Variants in GRHL3 observed in about 807,000 individuals in gnomAD.
GRHL3 encodes grainyhead like transcription factor 3.
A neutral mutation model predicts 70.3 loss-of-function variants in GRHL3; 20 were observed. That is an observed-to-expected ratio of 0.28 (90% CI 0.20 to 0.41). The LOEUF is 0.41. Ranked by LOEUF, GRHL3 falls within the 10% of genes least tolerant of loss-of-function variation. GRHL3 has a pLI of 1.00. For missense variants in GRHL3, 637 were observed against 762.3 expected, an observed-to-expected ratio of 0.84 and a Z score of 1.94; for synonymous variants, 299 against 299.9, an observed-to-expected ratio of 1.00 and a Z score of 0.03.
At chr1:24,330,422 G>A (rs1245577167) in intron 1 of GRHL3, among the ~76,000 whole-genome samples, 3 of 152,266 alleles carry the variant, frequency 2.0e-5, no homozygotes, top group Non-Finnish European at 4.4e-5. Flanking sequence ...CACTTACTGG[G>A]ACCTTGGACA....
At chr1:24,335,346 G>A (rs1377443559) in intron 3 of GRHL3, among the ~76,000 whole-genome samples, 1 of 152,220 alleles carries the variant, frequency 6.6e-6, no homozygotes, top group Non-Finnish European at 1.5e-5. Flanking sequence ...CCATGCTTAA[G>A]ACTAGATGGG....
In GRHL3 at chr1:24,323,110, A is replaced by AT. The variant is rs1557689120; in HGVS notation, c.17+3547dup. 2.0e-6 allele frequency: 3 copies of AT among 1,535,718 alleles called. No individual in the cohort carries two copies. In the Admixed American group the frequency reaches 5.9e-5, roughly 30 times the overall value. On this transcript the variant is annotated intron_variant, in intron 1 of 15. Coordinates refer to ENST00000361548, the MANE Select transcript of GRHL3 (RefSeq NM_198173.3). ...AATGTGGATGAATTCCATTCTTCCT[A>AT]TTTTTCTGTAGGTTCTACATGTTAT...
chr1:24,324,450 T>G (rs1337233457), intron 1 of GRHL3, among the ~76,000 whole-genome samples: 1 of 152,308 alleles, frequency 6.6e-6, no homozygotes, highest in East Asian at 1.9e-4. Flanking sequence ...ATTGTGCAGT[T>G]TGCTGGGGAC....
intron 2 of GRHL3, among the ~76,000 whole-genome samples, chr1:24,331,934 T>C (rs867696076): frequency 3.9e-5 from 6 of 152,312 alleles, no homozygotes; most frequent in Admixed American, 6.5e-5. Context: ...TTCTTCCATC[T>C]TCTGCACGAG....
chr1:24,331,464 A>C lies in GRHL3; in HGVS notation c.56A>C (p.Asn19Thr). Residue 19 changes from asparagine to threonine, a missense_variant, in exon 2 of 16, where the codon AAC becomes ACC. Coordinates refer to ENST00000361548, the MANE Select transcript of GRHL3 (RefSeq NM_198173.3). ...CGGCTGCTAAAGAACGACCCAGTCA[A>C]CTTGCAGAAATTCTCTTACACTAGT... ...SVRLLKNDPVNLQKFSYTSED... is the reference protein window; with the variant it reads ...SVRLLKNDPVTLQKFSYTSED... 1 of 1,613,788 alleles carries C rather than the reference A, an allele frequency of 6.2e-7. No homozygotes were observed. Among genetic ancestry groups the C allele is most frequent in the Non-Finnish European group, 8.5e-7 (1 of 1,179,826 alleles).
At chr1:24,339,791 G>GCAGA in intron 8 of GRHL3, 29 bp downstream of exon 8, 1 of 1,469,464 alleles carries the variant, frequency 6.8e-7, no homozygotes, top group Non-Finnish European at 9.4e-7. Flanking sequence ...GGCTGGGATG[G>GCAGA]GACTGGGCTG....
At chr1:24,332,787 A>G (rs1418015436) in intron 2 of GRHL3, among the ~76,000 whole-genome samples, 1 of 152,196 alleles carries the variant, frequency 6.6e-6, no homozygotes, top group African/African-American at 2.4e-5. Flanking sequence ...AATAAAGGCA[A>G]ATTCTTTGTT....
At position 24,336,559 on chromosome 1, in the gene GRHL3, A is replaced by G; in HGVS notation, c.344A>G (p.Glu115Gly). 2 of 1,613,720 alleles carry G rather than the reference A, an allele frequency of 1.2e-6. No individual in the cohort carries two copies. The highest frequency in any genetic ancestry group is 1.7e-6 in the Non-Finnish European group (2 of 1,179,780). Residue 115 changes from glutamate to glycine, a missense_variant, in exon 4 of 16, where the codon GAG (glutamate) becomes GGG (glycine). Around this residue, in one of 2 missense-constraint regions of GRHL3, gnomAD observed 250 missense variants for 248.6 expected, o/e 1.01. Transcript: ENST00000361548. ...ACACACCTCATGAAATTCCTGACAG[A>G]GAACGTGTCTGGAACCCCAGAGTAC... ...SPTHLMKFLT[E>G]NVSGTPEYPD...
rs187230630 is a variant in GRHL3 at position 24,339,448 on chromosome 1, T to G, written c.953-220T>G. 1.2e-3 allele frequency among the ~76,000 whole-genome samples: 185 copies of G among 152,156 alleles called. 1 individual carries two copies. The highest frequency in any genetic ancestry group is 4.2e-3 in the African/African-American group (176 of 41,514). ...GCGCCTGCCACCATGCCCAGCTAAT[T>G]TTTTGTATTTTTAGTAGAAACAGGG... On this transcript the variant is annotated intron_variant, in intron 7 of 15. Transcript: ENST00000361548.
At chr1:24,350,613 G>T (rs1640465661) in intron 15 of GRHL3, among the ~76,000 whole-genome samples, 1 of 152,206 alleles carries the variant, frequency 6.6e-6, no homozygotes, top group Non-Finnish European at 1.5e-5. Flanking sequence ...AGGAGAAGTG[G>T]ATCAAAGGCA....
At chr1:24,358,899 T>C (rs997372475), downstream of GRHL3, among the ~76,000 whole-genome samples, 15 of 152,212 alleles carry the variant, frequency 9.9e-5, no homozygotes, top group African/African-American at 3.4e-4. Context: ...CGAAAAGAAA[T>C]TGAGTAAAGC....
At chr1:24,338,196 A>C in intron 7 of GRHL3, 93 bp downstream of exon 7, 2 of 808,382 alleles carry the variant, frequency 2.5e-6, no homozygotes, top group Non-Finnish European at 3.8e-6. Flanking sequence ...CTGTTTCCCT[A>C]CCTGGCTCTG....
At chr1:24,323,926 C>T (rs770828572) in intron 1 of GRHL3, among the ~76,000 whole-genome samples, 1 of 152,192 alleles carries the variant, frequency 6.6e-6, no homozygotes, top group Non-Finnish European at 1.5e-5. Flanking sequence ...GGGCAGGGAC[C>T]GAAAGGGGAC....
intron 15 of GRHL3, among the ~76,000 whole-genome samples, chr1:24,350,804 C>A (rs562035890): frequency 6.6e-6 from 1 of 152,316 alleles, no homozygotes; most frequent in Non-Finnish European, 1.5e-5. Flanking sequence ...AAAGCTGTAC[C>A]CTCCAGGGGG....
chr1:24,356,904 C>T (rs1259272661), downstream of GRHL3: 1 of 152,218 alleles, frequency 6.6e-6, no homozygotes, highest in Non-Finnish European at 1.5e-5. Flanking sequence ...CGCTGACAGT[C>T]TGTGGTCCTA....
Position 24,342,390 on chromosome 1 carries a change from T to G in GRHL3, c.1206+117T>G, listed in dbSNP as rs1021659695. On this transcript the variant is annotated intron_variant, in intron 9 of 15. Coordinates refer to ENST00000361548, the MANE Select transcript of GRHL3 (RefSeq NM_198173.3). The surrounding 1 kb of genome is among the most constrained non-coding windows in gnomAD (Gnocchi z 4.8). ...CTGTCTCTCTCTGTTTTTCTATCCC[T>G]TCTCCTCCTTCCCCTCTCCTCCTCC... 2 of 833,630 alleles carry G rather than the reference T, an allele frequency of 2.4e-6. No homozygotes were observed. Among genetic ancestry groups the G allele is most frequent in the African/African-American group, 3.4e-5 (2 of 58,526 alleles). The allele number at this position is 833,630 out of a possible 1,614,324, so 51.6% of individuals were successfully genotyped here.
At chr1:24,349,831 C>T (rs1640434462) in intron 14 of GRHL3, among the ~76,000 whole-genome samples, 3 of 152,132 alleles carry the variant, frequency 2.0e-5, no homozygotes, top group Admixed American at 6.5e-5. Context: ...TACACACAAC[C>T]GTACGTACAC....
chr1:24,345,107 CCCCCTTTACACCTGTG>C (rs1272101636), intron 12 of GRHL3, among the ~76,000 whole-genome samples, 176 bp downstream of exon 12: 2 of 84,048 alleles, frequency 2.4e-5, no homozygotes, highest in African/African-American at 4.0e-5. Flanking sequence ...CACACCTGTG[CCCCCTTTACACCTGTG>C]CCCCTCCACA....
rs1480869095 is a variant in GRHL3, at chr1:24,351,646, C to T, written c.1694+1524C>T. Among the ~76,000 whole-genome samples the T allele has an allele frequency of 2.8e-5, 3 of 105,814 alleles. No homozygotes were observed. In the East Asian group the frequency reaches 9.5e-4, roughly 34 times the overall value. The allele number at this position is 105,814 out of a possible 152,430, so 69.4% of individuals were successfully genotyped here. A position where few individuals can be genotyped will look rare whatever the true frequency, so the allele number is the denominator to read the frequency against. ...CTCCCTTACCAATCCCACTCCAGGC[C>T]AGGCTGTGTGATTGCATGGGGGGGT... On this transcript the variant is annotated intron_variant, in intron 15 of 15. Coordinates refer to ENST00000361548, the MANE Select transcript of GRHL3 (RefSeq NM_198173.3).
Sources: gnomAD v4.1 joint callset for allele counts (sites outside exome capture counted in the v4.1 genomes callset) on GRCh38, gnomAD v4.1.1 for gene constraint, gnomAD v4.1.1 regional missense constraint, Gnocchi (gnomAD v3.1) non-coding constraint, MANE v1.5 for transcripts, NCBI Gene and HGNC (gene_info 2026-07-23, HGNC 2026-07-21) for gene names.